APC: variants seen among roughly 807,000 people sequenced by gnomAD.
APC encodes the protein APC regulator of Wnt signaling pathway.
APC carries 72 observed loss-of-function variants against 247.0 expected under a neutral mutation model. The ratio of observed to expected loss-of-function variants is 0.29; its 90% confidence interval spans 0.24 to 0.35. The LOEUF is 0.35. APC is among the 10% of genes least tolerant of loss of function. The pLI, the probability that APC is intolerant of heterozygous loss-of-function variation, is 1.00. For synonymous variants in APC, 1,254 were observed against 1,162.5 expected (o/e 1.08, Z -1.60); for missense variants, 3,400 against 3,360.7 (o/e 1.01, Z -0.29).
chr5:112,756,104 T>C (rs1754953695), intron 2 of APC, among the ~76,000 whole-genome samples: 1 of 152,256 alleles, frequency 6.6e-6, no homozygotes, highest in Non-Finnish European at 1.5e-5. Flanking sequence ...TCCTAGTTTT[T>C]TTCCTATGCA....
intron 1 of APC, among the ~76,000 whole-genome samples, chr5:112,746,753 A>G (rs1753732144): frequency 6.6e-6 from 1 of 152,238 alleles, no homozygotes; most frequent in African/African-American, 2.4e-5. Context: ...TCTTATTAAA[A>G]TCGAGAATAA....
At chr5:112,781,793 T>G (rs1758379949) in intron 6 of APC, among the ~76,000 whole-genome samples, 1 of 151,280 alleles carries the variant, frequency 6.6e-6, no homozygotes, top group South Asian at 2.1e-4. Context: ...AGTCTCACCC[T>G]GTTGCCCAGG....
upstream of APC, among the ~76,000 whole-genome samples, chr5:112,733,634 T>G (rs749654914): frequency 3.9e-5 from 6 of 152,186 alleles, no homozygotes; most frequent in Non-Finnish European, 8.8e-5. Context: ...ACACCTTGGT[T>G]TTAGCCTAGT....
intron 7 of APC, among the ~76,000 whole-genome samples, chr5:112,797,179 A>G (rs1760299336): frequency 6.6e-6 from 1 of 152,234 alleles, no homozygotes; most frequent in Non-Finnish European, 1.5e-5. Flanking sequence ...TAATAGTTAC[A>G]TCAGTTGCAT....
rs530184371 is a variant in APC at position 112,808,735 on chromosome 5, C to A, written c.835-6760C>A. ...TCCAAATGTTTTTTTTATAGAGTGT[C>A]CCATACTCTAGATTTTGCTGATGAC... On this transcript the variant is annotated intron_variant, in intron 8 of 15. Coordinates refer to ENST00000257430, the MANE Select transcript of APC (RefSeq NM_000038.6). Among the ~76,000 whole-genome samples, 3 of 152,160 alleles carry A rather than the reference C, an allele frequency of 2.0e-5. No homozygotes were observed. The South Asian group carries it at 6.2e-4, about 32-fold the overall frequency.
chr5:112,820,295 T>C (rs1762988239), intron 10 of APC, among the ~76,000 whole-genome samples: 2 of 152,122 alleles, frequency 1.3e-5, no homozygotes, highest in African/African-American at 2.4e-5. Context: ...CTTATGAACC[T>C]ATAGCAGATT....
chr5:112,827,237 T>C lies in APC; in HGVS notation c.1538T>C (p.Val513Ala), dbSNP rs876658167. The C allele has an allele frequency of 3.1e-6, 5 of 1,613,760 alleles. No individual in the cohort carries two copies. The African/African-American group carries it at 5.3e-5, about 17-fold the overall frequency. The change falls in exon 12 of 16, where the codon GTA becomes GCA. Residue 513 changes from valine (V) to alanine (A), a missense_variant. Physicochemically the swap from Val to Ala is moderately conservative, Grantham distance 64. Transcript: ENST00000257430. ...TTGACAAACTTGACTTTTGGAGATG[T>C]AGCCAACAAGGTATGTTTTTATAAC... is the stretch of plus-strand genomic sequence containing the variant. ...MALTNLTFGD[V>A]ANKATLCSMK...
intron 1 of APC, among the ~76,000 whole-genome samples, chr5:112,723,774 A>T (rs185009954): frequency 3.3e-5 from 5 of 152,318 alleles, no homozygotes; most frequent in Admixed American, 3.3e-4. Context: ...TGAAATTGGG[A>T]TGTCAGGAAC....
rs145413012 is a variant in APC at position 112,788,783 on chromosome 5, G to A, written c.646-3663G>A. Among the ~76,000 whole-genome samples, 4 of 152,148 alleles carry A rather than the reference G, an allele frequency of 2.6e-5. 1 individual carries two copies. Among genetic ancestry groups the A allele is most frequent in the African/African-American group, 9.7e-5 (4 of 41,450 alleles). ...TTATATTACTAAATTACATTTAAGTGAAAAGTATCCAGCAGTCTTCCTGAA... is the reference window on the plus strand; with the variant it reads ...TTATATTACTAAATTACATTTAAGTAAAAAGTATCCAGCAGTCTTCCTGAA... On this transcript the variant is annotated intron_variant, in intron 6 of 15. Transcript: ENST00000257430.
chr5:112,739,838 T>TC (rs1441828288), intron 1 of APC, among the ~76,000 whole-genome samples: 3 of 152,252 alleles, frequency 2.0e-5, no homozygotes, highest in Non-Finnish European at 4.4e-5. Flanking sequence ...AGCATAGTGT[T>TC]TGAGAGTCTA....
intron 2 of APC, among the ~76,000 whole-genome samples, chr5:112,757,184 A>G (rs554876283): frequency 6.6e-6 from 1 of 152,296 alleles, no homozygotes; most frequent in East Asian, 1.9e-4. Context: ...GTGGTACCAT[A>G]ACAATTACAG....
At chr5:112,743,274 T>A (rs1753253765) in intron 1 of APC, among the ~76,000 whole-genome samples, 1 of 152,192 alleles carries the variant, frequency 6.6e-6, no homozygotes, top group Admixed American at 6.5e-5. Flanking sequence ...ACCCAGATAA[T>A]CCAGGAAAAT....
chr5:112,756,159 G>A (rs1754963586), intron 2 of APC, among the ~76,000 whole-genome samples: 1 of 152,056 alleles, frequency 6.6e-6, no homozygotes, highest in Non-Finnish European at 1.5e-5. Flanking sequence ...TGTCACTGAG[G>A]TAACTGTTTC....
At chr5:112,774,489 A>T (rs916593305) in intron 4 of APC, among the ~76,000 whole-genome samples, 1 of 138,874 alleles carries the variant, frequency 7.2e-6, no homozygotes, top group African/African-American at 2.6e-5. Context: ...TTTTTTGGAA[A>T]GGAGTCCATT....
At chr5:112,831,044 T>C (rs537214401) in intron 14 of APC, among the ~76,000 whole-genome samples, 27 of 152,348 alleles carry the variant, frequency 1.8e-4, no homozygotes, top group African/African-American at 4.8e-4. Context: ...GTGTGTATTA[T>C]GAGAATTTGC....
chr5:112,709,271 G>T (rs1309876587), intron 1 of APC, among the ~76,000 whole-genome samples: 2 of 152,122 alleles, frequency 1.3e-5, no homozygotes, highest in African/African-American at 2.4e-5. Context: ...TTTTCATTCT[G>T]TCTCATAACA....
chr5:112,842,646 C>G lies in APC; in HGVS notation c.7052C>G (p.Pro2351Arg), dbSNP rs1554087955. 1.2e-6 allele frequency: 2 copies of G among 1,613,798 alleles called. No homozygotes were observed. Among genetic ancestry groups the G allele is most frequent in the Non-Finnish European group, 1.7e-6 (2 of 1,179,838 alleles). The change falls in exon 16 of 16, where the codon CCT becomes CGT. Residue 2351 changes from proline (P) to arginine (R), a missense_variant. Physicochemically the swap from Pro to Arg is moderately radical, Grantham distance 103. Around this residue, in one of 9 missense-constraint regions of APC, gnomAD observed 1,788 missense variants for 1,649.5 expected, o/e 1.08. Transcript: ENST00000257430. Reference sequence around the variant, plus strand: ...TCTCAACTTCCAAGGACATCATCCCCTAGTACTGCTTCAACTAAGTCCTCA... The same window carrying G: ...TCTCAACTTCCAAGGACATCATCCCGTAGTACTGCTTCAACTAAGTCCTCA... Reference protein sequence around the residue: ...KLSQLPRTSSPSTASTKSSGS... With the variant: ...KLSQLPRTSSRSTASTKSSGS...
intron 6 of APC, among the ~76,000 whole-genome samples, chr5:112,788,012 ATGT>A (rs1759161268): frequency 1.3e-5 from 2 of 152,258 alleles, no homozygotes; most frequent in Non-Finnish European, 2.9e-5. Context: ...ACATATATTT[ATGT>A]TGTTAACTGA....
intron 8 of APC, among the ~76,000 whole-genome samples, chr5:112,801,759 G>T (rs552183701): frequency 6.6e-6 from 1 of 151,130 alleles, no homozygotes; most frequent in African/African-American, 2.4e-5. Flanking sequence ...CATTTTTATG[G>T]TTTTTTTTAA....
Sources: gnomAD v4.1 joint callset for allele counts (sites outside exome capture counted in the v4.1 genomes callset) on GRCh38, gnomAD v4.1.1 for gene constraint, gnomAD v4.1.1 regional missense constraint, MANE v1.5 for transcripts, NCBI Gene and HGNC (gene_info 2026-07-23, HGNC 2026-07-21) for gene names.